MTFR1: variants seen among roughly 807,000 people sequenced by gnomAD.
MTFR1 encodes the protein mitochondrial fission regulator 1.
In MTFR1, 28 loss-of-function variants were observed where a neutral mutation model predicts 38.8. That is an observed-to-expected ratio of 0.72 (90% CI 0.53 to 0.99). The LOEUF is 0.99. Ranked by LOEUF, MTFR1 falls within the 50% of genes least tolerant of loss-of-function variation. The pLI, the probability that MTFR1 is intolerant of heterozygous loss-of-function variation, is 0.00. For synonymous variants in MTFR1, 145 were observed against 137.0 expected (o/e 1.06, Z -0.41); for missense variants, 358 against 395.5 (o/e 0.91, Z 0.81).
intron 2 of MTFR1, among the ~76,000 whole-genome samples, chr8:65,673,850 G>A (rs1008954569): frequency 6.6e-6 from 1 of 152,036 alleles, no homozygotes; most frequent in Non-Finnish European, 1.5e-5. Flanking sequence ...AGTTTGCAGT[G>A]AGCCGAGATT....
chr8:65,710,762 TTGAC>T (rs1805920745), downstream of MTFR1, among the ~76,000 whole-genome samples: 1 of 152,192 alleles, frequency 6.6e-6, no homozygotes, highest in African/African-American at 2.4e-5. Context: ...GGTATCACAG[TTGAC>T]TCAGGGTTCT....
At chr8:65,752,539 T>G (rs1279028949) in intron 3 of MTFR1, among the ~76,000 whole-genome samples, 1 of 152,236 alleles carries the variant, frequency 6.6e-6, no homozygotes, top group Non-Finnish European at 1.5e-5. Flanking sequence ...ATTTTTGCCC[T>G]TGTAAGTGAC....
In MTFR1 at chr8:65,751,681, G is replaced by A. The variant is rs80079356; in HGVS notation, c.*49-19266G>A. On this transcript the variant is annotated intron_variant, in intron 3 of 3. Transcript: ENST00000521247. The stretch of plus-strand genomic sequence containing the variant: ...CTAATTTTGTATTTTTAGTAGAGAC[G>A]GGGTTTCTCCATGTTGGTCAGGCTG... Among the ~76,000 whole-genome samples, 536 of 152,192 alleles carry A rather than the reference G, an allele frequency of 3.5e-3. 5 individuals are homozygous for A. The highest frequency in any genetic ancestry group is 0.014 in the East Asian group (71 of 5,182).
chr8:65,672,159 T>A, intron 2 of MTFR1, among the ~76,000 whole-genome samples: 1 of 152,234 alleles, frequency 6.6e-6, no homozygotes. Flanking sequence ...CTACTAATGG[T>A]GGATTAGCAA....
At chr8:65,732,790 G>A (rs1233113931) in intron 3 of MTFR1, among the ~76,000 whole-genome samples, 3 of 152,222 alleles carry the variant, frequency 2.0e-5, no homozygotes, top group African/African-American at 7.2e-5. Context: ...TGAGATTACA[G>A]GCATGAGCCA....
intron 1 of MTFR1, among the ~76,000 whole-genome samples, chr8:65,667,962 T>G (rs1251411392): frequency 1.3e-5 from 2 of 152,166 alleles, no homozygotes; most frequent in Non-Finnish European, 2.9e-5. Context: ...CCAGCTCTTT[T>G]CAGTTTATTT....
At chr8:65,692,837 T>TA (rs1005738756) in intron 3 of MTFR1, among the ~76,000 whole-genome samples, 2 of 151,720 alleles carry the variant, frequency 1.3e-5, no homozygotes, top group African/African-American at 4.8e-5. Context: ...AACAGCTATA[T>TA]AATAGCCATT....
intron 3 of MTFR1, among the ~76,000 whole-genome samples, chr8:65,734,225 C>T (rs1807028541): frequency 6.6e-6 from 1 of 152,176 alleles, no homozygotes; most frequent in Non-Finnish European, 1.5e-5. Flanking sequence ...ACTGCCCAAA[C>T]CAGTCTTCAC....
intron 1 of MTFR1, among the ~76,000 whole-genome samples, chr8:65,655,970 C>CATAT (rs1367084824): frequency 1.5e-4 from 8 of 53,618 alleles, no homozygotes; most frequent in African/African-American, 6.2e-4. Flanking sequence ...ATATATATAC[C>CATAT]ATATATATAT....
chr8:65,659,424 A>G (rs1809351240), intron 1 of MTFR1, among the ~76,000 whole-genome samples: 1 of 133,584 alleles, frequency 7.5e-6, no homozygotes, highest in Non-Finnish European at 1.6e-5. Flanking sequence ...AACAAAGGAG[A>G]GGTTTTTTTT....
intron 3 of MTFR1, chr8:65,734,758 T>TA (rs1473754922): frequency 1.7e-6 from 2 of 1,189,514 alleles, no homozygotes. Flanking sequence ...GGAATTTTCT[T>TA]ATGATTTTCA....
At chr8:65,681,524 T>G in intron 2 of MTFR1, among the ~76,000 whole-genome samples, 1 of 152,348 alleles carries the variant, frequency 6.6e-6, no homozygotes, top group East Asian at 1.9e-4. Flanking sequence ...CTTTCTTTAC[T>G]TATTCTGTCC....
intron 3 of MTFR1, among the ~76,000 whole-genome samples, chr8:65,758,945 C>T (rs1040788174): frequency 6.6e-6 from 1 of 152,098 alleles, no homozygotes; most frequent in South Asian, 2.1e-4. Context: ...CCATAGGCAG[C>T]CTCTGTCTCT....
At chr8:65,687,463 A>G (rs1194508546) in intron 3 of MTFR1, among the ~76,000 whole-genome samples, 2 of 150,920 alleles carry the variant, frequency 1.3e-5, no homozygotes, top group African/African-American at 4.9e-5. Context: ...CTCCTGCCTC[A>G]GCCTTCCAAG....
intron 1 of MTFR1, among the ~76,000 whole-genome samples, chr8:65,662,787 A>G (rs1003128808): frequency 4.0e-5 from 6 of 149,414 alleles, no homozygotes; most frequent in Non-Finnish European, 7.4e-5. Context: ...TCCGCCCAGC[A>G]GCCACCCCGT....
chr8:65,765,818 CAT>C (rs776533695), intron 3 of MTFR1: 7 of 152,152 alleles, frequency 4.6e-5, no homozygotes, highest in Non-Finnish European at 8.8e-5. Flanking sequence ...AATGGGCATG[CAT>C]AATGGGATTA....
intron 3 of MTFR1, among the ~76,000 whole-genome samples, chr8:65,691,334 C>CTGGA (rs1278476911): frequency 3.3e-5 from 5 of 152,150 alleles, no homozygotes; most frequent in African/African-American, 9.7e-5. Context: ...GTTGCCCGGG[C>CTGGA]TGGAGTGTGG....
chr8:65,700,361 A>G (rs550132695), intron 4 of MTFR1, among the ~76,000 whole-genome samples: 3 of 151,404 alleles, frequency 2.0e-5, no homozygotes, highest in East Asian at 1.9e-4. Flanking sequence ...AAAAAAAAAA[A>G]AAAAAGAAAA....
At chr8:65,717,227 T>C (rs1806176986) in intron 2 of MTFR1, among the ~76,000 whole-genome samples, 1 of 152,214 alleles carries the variant, frequency 6.6e-6, no homozygotes, top group African/African-American at 2.4e-5. Flanking sequence ...TGTTAATGTG[T>C]TTGATTTAGA....
Sources: allele counts gnomAD v4.1 joint callset (sites outside exome capture counted in the v4.1 genomes callset), GRCh38; gene constraint gnomAD v4.1.1; transcripts MANE v1.5; gene names NCBI Gene and HGNC (gene_info 2026-07-23, HGNC 2026-07-21).